Variants in CDH6 observed in about 807,000 individuals in gnomAD.
CDH6 encodes the protein cadherin-6.
Under a neutral mutation model 78.0 loss-of-function variants are expected in CDH6, and 31 were observed. The observed-to-expected ratio is 0.40, with a 90% CI of 0.30 to 0.54. The LOEUF (loss-of-function observed/expected upper bound fraction) is 0.54, where lower values mean the gene tolerates loss of function less well. Among genes scored for constraint, CDH6 ranks in the 20% least tolerant of loss-of-function variants. The probability of loss-of-function intolerance (pLI) is 0.56; values close to 1 mark genes in which losing one functional copy is unlikely to be tolerated. For synonymous variants in CDH6, 376 were observed against 368.8 expected, an observed-to-expected ratio of 1.02 and a Z score of -0.23; for missense variants, 724 against 975.9, an observed-to-expected ratio of 0.74 and a Z score of 3.44.
intron 1 of CDH6, among the ~76,000 whole-genome samples, chr5:31,199,524 A>G (rs1740275020): frequency 2.1e-5 from 2 of 97,274 alleles, no homozygotes; most frequent in Non-Finnish European, 4.8e-5. Flanking sequence ...GTACACACAC[A>G]TATGTGTATA....
chr5:31,272,087 TG>T (rs1742544806), intron 2 of CDH6, among the ~76,000 whole-genome samples: 1 of 152,162 alleles, frequency 6.6e-6, no homozygotes, highest in African/African-American at 2.4e-5. Flanking sequence ...AACCAGGCTC[TG>T]GGGGCTCAGC....
Position 31,299,626 on chromosome 5 carries a change from C to A in CDH6, c.806C>A (p.Pro269His). 1 of 1,610,586 alleles carries A rather than the reference C, an allele frequency of 6.2e-7. No individual in the cohort carries two copies. The highest frequency in any genetic ancestry group is 8.5e-7 in the Non-Finnish European group (1 of 1,177,426). The change falls in exon 5 of 12, where the codon CCC becomes CAC. Residue 269 changes from proline (P) to histidine (H), a missense_variant. Pro to His is a moderately conservative substitution (Grantham distance 77). Transcript: ENST00000265071. ...TDVNDNPPRF[P>H]QSTYQFKTPE... ...GTCAACGACAACCCTCCCCGATTCC[C>A]CCAGAGTAGGAACATTTGATTGAAT...
At chr5:31,231,064 G>C (rs1157652619) in intron 1 of CDH6, among the ~76,000 whole-genome samples, 1 of 152,056 alleles carries the variant, frequency 6.6e-6, no homozygotes, top group Non-Finnish European at 1.5e-5. Flanking sequence ...ATATTCAAAT[G>C]CAATATTTTT....
chr5:31,199,473 CAT>C lies in CDH6; in HGVS notation c.-129+5590_-129+5591del, dbSNP rs539297431. On this transcript the variant is annotated intron_variant, in intron 1 of 11. Transcript: ENST00000265071. ...ACACATATGTGTATATATACACACA[CAT>C]ATGTGTATATATGTACACACACATA... Among the ~76,000 whole-genome samples the C allele has an allele frequency of 4.6e-3, 484 of 106,116 alleles. 4 individuals carry two copies. Among genetic ancestry groups the C allele is most frequent in the African/African-American group, 0.015 (464 of 31,098 alleles). The allele number at this position is 106,116 out of a possible 152,430, so 69.6% of individuals were successfully genotyped here.
At chr5:31,319,790 A>C (rs1738427713) in intron 11 of CDH6, among the ~76,000 whole-genome samples, 4 of 152,244 alleles carry the variant, frequency 2.6e-5, no homozygotes, top group Admixed American at 2.6e-4. Context: ...TTACAAAAAT[A>C]AAACAACAGT....
At chr5:31,281,827 A>G (rs990747458) in intron 2 of CDH6, among the ~76,000 whole-genome samples, 2 of 152,206 alleles carry the variant, frequency 1.3e-5, no homozygotes, top group Non-Finnish European at 2.9e-5. Flanking sequence ...GAATGAGAAT[A>G]GACTTTGGAG....
chr5:31,283,195 T>C (rs908247865), intron 2 of CDH6, among the ~76,000 whole-genome samples: 1 of 152,164 alleles, frequency 6.6e-6, no homozygotes, highest in Non-Finnish European at 1.5e-5. Context: ...CATCCTATAA[T>C]GTATGGGACA....
intron 5 of CDH6, among the ~76,000 whole-genome samples, chr5:31,300,472 T>G (rs1051100786): frequency 3.3e-5 from 5 of 152,210 alleles, no homozygotes; most frequent in African/African-American, 1.2e-4. Flanking sequence ...TTTCTTTATT[T>G]TTTCAAGTTT....
chr5:31,285,237 C>T (rs1742980338), intron 2 of CDH6, among the ~76,000 whole-genome samples: 5 of 152,150 alleles, frequency 3.3e-5, no homozygotes, highest in Admixed American at 3.3e-4. Context: ...TACTCAAGAC[C>T]TCTTCTGATT....
chr5:31,266,051 A>G (rs931592331), intron 1 of CDH6, among the ~76,000 whole-genome samples: 2 of 152,082 alleles, frequency 1.3e-5, no homozygotes, highest in Admixed American at 1.3e-4. Context: ...TGCTGGGATT[A>G]CAGGCATGAG....
intron 10 of CDH6, 28 bp from the exon 11 acceptor site, chr5:31,317,645 C>G (rs968247886): frequency 6.3e-7 from 1 of 1,598,664 alleles, no homozygotes; most frequent in Non-Finnish European, 8.5e-7. Context: ...TATCCACATA[C>G]ATTCACCACT....
chr5:31,322,596 C>A (rs1406316728), intron 11 of CDH6, among the ~76,000 whole-genome samples: 4 of 152,132 alleles, frequency 2.6e-5, no homozygotes, highest in African/African-American at 9.7e-5. Flanking sequence ...GGTGTTTTAT[C>A]CTCTACTTAA....
intron 2 of CDH6, among the ~76,000 whole-genome samples, chr5:31,270,669 C>T (rs548692430): frequency 1.3e-5 from 2 of 152,130 alleles, no homozygotes; most frequent in African/African-American, 4.8e-5. Context: ...TTATTTCCCT[C>T]CTTTTCCTTC....
At chr5:31,282,947 A>T (rs541646455) in intron 2 of CDH6, among the ~76,000 whole-genome samples, 1 of 152,360 alleles carries the variant, frequency 6.6e-6, no homozygotes, top group African/African-American at 2.4e-5. Flanking sequence ...GGTATTATTT[A>T]AGTGTATTTT....
chr5:31,286,483 C>G (rs7701632), intron 2 of CDH6, among the ~76,000 whole-genome samples: 1 of 152,034 alleles, frequency 6.6e-6, no homozygotes, highest in African/African-American at 2.4e-5. Flanking sequence ...GGCGTAGCTA[C>G]GAAAGAGCTA....
At chr5:31,263,914 C>G (rs551733127) in intron 1 of CDH6, among the ~76,000 whole-genome samples, 2 of 152,190 alleles carry the variant, frequency 1.3e-5, no homozygotes, top group Non-Finnish European at 2.9e-5. Context: ...TTCTGATTTT[C>G]TTTCACCTGA....
intron 1 of CDH6, among the ~76,000 whole-genome samples, chr5:31,211,973 G>A (rs1740721145): frequency 6.6e-6 from 1 of 152,170 alleles, no homozygotes; most frequent in Non-Finnish European, 1.5e-5. Context: ...CTAGCTGTAT[G>A]TGTGTGAAAT....
At chr5:31,302,798 G>GAGAGAAAGAAAGAA (rs1282911479) in intron 6 of CDH6, among the ~76,000 whole-genome samples, 1 of 36,598 alleles carries the variant, frequency 2.7e-5, no homozygotes, top group Non-Finnish European at 5.4e-5. Context: ...GAGAGAGAGA[G>GAGAGAAAGAAAGAA]AGAAAGAAAG....
intron 1 of CDH6, among the ~76,000 whole-genome samples, chr5:31,240,204 A>G (rs888667973): frequency 6.6e-6 from 1 of 152,274 alleles, no homozygotes; most frequent in East Asian, 1.9e-4. Context: ...TAAAGAAAAA[A>G]CTATTGCCTT....
Sources: allele counts gnomAD v4.1 joint callset (sites outside exome capture counted in the v4.1 genomes callset), GRCh38; gene constraint gnomAD v4.1.1; transcripts MANE v1.5; gene names NCBI Gene and HGNC (gene_info 2026-07-23, HGNC 2026-07-21).